The following CLYBL variants were observed in gnomAD, a reference collection of about 807,000 sequenced individuals.
The protein encoded by CLYBL is citramalyl-CoA lyase, also known as citramalyl-CoA lyase, mitochondrial.
Under a neutral mutation model 38.9 loss-of-function variants are expected in CLYBL, and 31 were observed. The ratio of observed to expected loss-of-function variants is 0.80; its 90% CI spans 0.60 to 1.08. The LOEUF (loss-of-function observed/expected upper bound fraction) is 1.08. CLYBL is among the 50% of genes least tolerant of loss of function. The pLI is 0.00. For missense variants in CLYBL, 434 were observed against 411.6 expected (o/e 1.05, Z -0.47); for synonymous variants, 171 against 158.6 (o/e 1.08, Z -0.59).
intron 1 of CLYBL, among the ~76,000 whole-genome samples, chr13:99,658,556 C>G (rs912684173): frequency 6.6e-6 from 1 of 152,128 alleles, no homozygotes; most frequent in Non-Finnish European, 1.5e-5. Flanking sequence ...GCTTTGAAAC[C>G]GCGGAGTTGG....
At chr13:99,693,550 A>G (rs1316476140) in intron 1 of CLYBL, among the ~76,000 whole-genome samples, 3 of 152,056 alleles carry the variant, frequency 2.0e-5, no homozygotes, top group Non-Finnish European at 4.4e-5. Flanking sequence ...CATCCCCACA[A>G]CGGCAGTGAT....
chr13:99,798,394 C>G (rs2050065261), intron 2 of CLYBL, among the ~76,000 whole-genome samples: 1 of 152,200 alleles, frequency 6.6e-6, no homozygotes, highest in East Asian at 1.9e-4. Flanking sequence ...TGCCTTCCCC[C>G]TTTGTAAAGT....
intron 1 of CLYBL, among the ~76,000 whole-genome samples, chr13:99,756,032 G>A (rs1029325765): frequency 5.3e-5 from 8 of 152,194 alleles, no homozygotes; most frequent in Non-Finnish European, 4.4e-5. Context: ...ACAAAGGCAC[G>A]TTTATTATCT....
chr13:99,890,468 T>C (rs1405198176), intron 7 of CLYBL, among the ~76,000 whole-genome samples: 1 of 152,112 alleles, frequency 6.6e-6, no homozygotes, highest in Non-Finnish European at 1.5e-5. Flanking sequence ...ATGTCCCTGG[T>C]ATTTCTTTCT....
chr13:99,871,109 T>G, intron 7 of CLYBL, 47 bp downstream of exon 7: 1 of 1,603,722 alleles, frequency 6.2e-7, no homozygotes, highest in Non-Finnish European at 8.5e-7. Flanking sequence ...TTGAAAATAT[T>G]GTCGGGAAGA....
chr13:99,679,063 G>A (rs1358550099), intron 1 of CLYBL, among the ~76,000 whole-genome samples: 1 of 152,112 alleles, frequency 6.6e-6, no homozygotes, highest in Non-Finnish European at 1.5e-5. Flanking sequence ...GGGAGGCCGA[G>A]GCGGGCAGAT....
intron 1 of CLYBL, among the ~76,000 whole-genome samples, chr13:99,684,463 A>G (rs904611270): frequency 3.9e-5 from 6 of 152,156 alleles, no homozygotes; most frequent in African/African-American, 1.2e-4. Flanking sequence ...CTAAAAACAA[A>G]CAAACAAAAA....
At chr13:99,677,200 A>G (rs561558010) in intron 1 of CLYBL, among the ~76,000 whole-genome samples, 1 of 152,326 alleles carries the variant, frequency 6.6e-6, no homozygotes, top group Admixed American at 6.5e-5. Flanking sequence ...GGCGTATTGA[A>G]AAGATCAGAT....
intron 1 of CLYBL, among the ~76,000 whole-genome samples, chr13:99,668,616 G>A (rs2047518827): frequency 1.3e-5 from 2 of 151,852 alleles, no homozygotes; most frequent in South Asian, 2.1e-4. Flanking sequence ...AAGAATATTG[G>A]CTATTTGAGC....
At chr13:99,886,155 C>T (rs73559382) in intron 7 of CLYBL, among the ~76,000 whole-genome samples, 2,820 of 152,260 alleles carry the variant, frequency 0.019, 92 homozygotes, top group African/African-American at 0.064. Context: ...ACAGCAACAC[C>T]GTCATCAGAA....
At chr13:99,676,896 C>T (rs979354560) in intron 1 of CLYBL, among the ~76,000 whole-genome samples, 19 of 151,898 alleles carry the variant, frequency 1.3e-4, no homozygotes, top group African/African-American at 4.1e-4. Context: ...TGAGCCACTG[C>T]GCTCGGCCCA....
chr13:99,891,506 C>A, intron 8 of CLYBL, 69 bp downstream of exon 8: 1 of 841,988 alleles, frequency 1.2e-6, no homozygotes, highest in Non-Finnish European at 2.0e-6. Flanking sequence ...TGTTAGGATG[C>A]CAGATTGGGA....
intron 2 of CLYBL, among the ~76,000 whole-genome samples, chr13:99,801,760 T>C (rs940855185): frequency 6.6e-6 from 1 of 152,206 alleles, no homozygotes; most frequent in Non-Finnish European, 1.5e-5. Context: ...CTCACACCTG[T>C]AATCCCAGGA....
chr13:99,724,430 G>T (rs529237654), intron 1 of CLYBL, among the ~76,000 whole-genome samples: 12 of 152,140 alleles, frequency 7.9e-5, no homozygotes, highest in African/African-American at 2.9e-4. Context: ...TCCTGGCGGT[G>T]GAGTATTTTC....
chr13:99,644,455 T>C (rs1307209578), intron 1 of CLYBL, among the ~76,000 whole-genome samples: 1 of 152,232 alleles, frequency 6.6e-6, no homozygotes, highest in Non-Finnish European at 1.5e-5. Flanking sequence ...AATAATCACA[T>C]CAAGGTAAAT....
At chr13:99,750,985 A>G (rs933429950) in intron 1 of CLYBL, among the ~76,000 whole-genome samples, 1 of 152,232 alleles carries the variant, frequency 6.6e-6, no homozygotes, top group African/African-American at 2.4e-5. Context: ...GAATTACCAG[A>G]TGATCCAGCA....
At chr13:99,903,059 T>C (rs1414336427) in intron 8 of CLYBL, among the ~76,000 whole-genome samples, 1 of 152,270 alleles carries the variant, frequency 6.6e-6, no homozygotes, top group East Asian at 1.9e-4. Flanking sequence ...ATAGCATCAC[T>C]TTGCCACAGA....
chr13:99,667,529 G>A (rs969394569), intron 1 of CLYBL, among the ~76,000 whole-genome samples: 1 of 148,622 alleles, frequency 6.7e-6, no homozygotes, highest in African/African-American at 2.5e-5. Context: ...AGGATTCTGT[G>A]TAATCAGTAA....
At chr13:99,743,726 ATCTT>A (rs1395478681) in intron 1 of CLYBL, among the ~76,000 whole-genome samples, 2 of 152,224 alleles carry the variant, frequency 1.3e-5, no homozygotes, top group Non-Finnish European at 2.9e-5. Context: ...AACAACTTAC[ATCTT>A]TCTTTCTTAA....
Sources: allele counts gnomAD v4.1 joint callset (sites outside exome capture counted in the v4.1 genomes callset), GRCh38; gene constraint gnomAD v4.1.1; transcripts MANE v1.5; gene names NCBI Gene and HGNC (gene_info 2026-07-23, HGNC 2026-07-21).